The following PDE3B variants were observed in gnomAD, a reference collection of about 807,000 sequenced individuals.
PDE3B encodes the protein cGMP-inhibited 3',5'-cyclic phosphodiesterase 3B.
A neutral mutation model predicts 116.8 loss-of-function variants in PDE3B; 66 were observed. That is an observed-to-expected ratio of 0.56 (90% CI 0.46 to 0.69). PDE3B has a LOEUF of 0.69. Ranked by LOEUF, PDE3B falls within the 30% of genes least tolerant of loss-of-function variation. PDE3B has a pLI of 0.00. For synonymous variants in PDE3B, 595 were observed against 533.6 expected (o/e 1.12, Z -1.59); for missense variants, 1,384 against 1,368.1 (o/e 1.01, Z -0.18).
intron 7 of PDE3B, among the ~76,000 whole-genome samples, chr11:14,826,591 C>T (rs547173506): frequency 1.3e-5 from 2 of 152,146 alleles, no homozygotes; most frequent in South Asian, 4.2e-4. Flanking sequence ...CCTGAATAGA[C>T]CAATAAGAAG....
intron 1 of PDE3B, among the ~76,000 whole-genome samples, chr11:14,678,560 A>T (rs1334435208): frequency 6.6e-6 from 1 of 152,110 alleles, no homozygotes; most frequent in Non-Finnish European, 1.5e-5. Context: ...TTGCATCATG[A>T]TTTAAATTTG....
chr11:14,794,503 G>A (rs1183358540), intron 4 of PDE3B, among the ~76,000 whole-genome samples: 1 of 151,812 alleles, frequency 6.6e-6, no homozygotes, highest in African/African-American at 2.4e-5. Flanking sequence ...TAGTAGAGAC[G>A]GGGTTTCACC....
intron 1 of PDE3B, among the ~76,000 whole-genome samples, chr11:14,704,064 A>C (rs1402189881): frequency 6.6e-6 from 1 of 151,734 alleles, no homozygotes; most frequent in Admixed American, 6.6e-5. Flanking sequence ...CCTGAATCTT[A>C]CTTAAATATT....
rs991330324 is a variant in PDE3B, at chr11:14,805,742, T to C, written c.1522+1692T>C. On this transcript the variant is annotated intron_variant, in intron 5 of 15. Transcript: ENST00000282096. ...GGGGAAAATTATCCAGATTGAAGCA[T>C]GGAACTACAAGAACAAACCAAAAGC... is the stretch of plus-strand genomic sequence containing the variant. Among the ~76,000 whole-genome samples, 11 of 152,116 alleles carry C rather than the reference T, an allele frequency of 7.2e-5. No homozygotes were observed. In the East Asian group the frequency reaches 2.1e-3, roughly 29 times the overall value.
At chr11:14,850,507 A>T (rs1847721775) in intron 12 of PDE3B, among the ~76,000 whole-genome samples, 1 of 152,182 alleles carries the variant, frequency 6.6e-6, no homozygotes, top group Non-Finnish European at 1.5e-5. Context: ...AATTAAAAAA[A>T]AAAGATTTCT....
At chr11:14,724,440 A>G (rs572624632) in intron 1 of PDE3B, among the ~76,000 whole-genome samples, 3 of 152,324 alleles carry the variant, frequency 2.0e-5, no homozygotes, top group East Asian at 3.9e-4. Flanking sequence ...CTGAAAATCC[A>G]AAATCAGAAA....
intron 2 of PDE3B, among the ~76,000 whole-genome samples, chr11:14,783,250 C>T (rs1409176768): frequency 6.6e-6 from 1 of 152,196 alleles, no homozygotes; most frequent in East Asian, 1.9e-4. Flanking sequence ...CCAGCCATCC[C>T]ATTACTGGGT....
chr11:14,788,407 A>C (rs1858279339), intron 3 of PDE3B, among the ~76,000 whole-genome samples: 1 of 151,976 alleles, frequency 6.6e-6, no homozygotes, highest in South Asian at 2.1e-4. Context: ...CCTTTACAAA[A>C]TCAGTGTCCT....
rs782213131 is a variant in PDE3B at position 14,867,560 on chromosome 11, TCTC to T, written c.2945_2947del (p.Pro982del). On this transcript the variant is annotated inframe_deletion, in exon 15 of 16. Transcript: ENST00000282096. Reference sequence around the variant, plus strand: ...CATCAGTCCATTCATGGATCGTTCTTCTCCTCAACTAGCAAAACTCCAAGAATC... The same window carrying T: ...CATCAGTCCATTCATGGATCGTTCTTCTCAACTAGCAAAACTCCAAGAATC... The T allele has an allele frequency of 1.2e-6, 2 of 1,613,992 alleles. No individual in the cohort carries two copies. The highest frequency in any genetic ancestry group is 1.7e-5 in the Admixed American group (1 of 60,002).
intron 15 of PDE3B, 41 bp downstream of exon 15, chr11:14,867,799 G>A (rs573938991): frequency 2.0e-6 from 3 of 1,527,420 alleles, no homozygotes; most frequent in African/African-American, 2.8e-5. Context: ...AATGTTATAG[G>A]TTGAGTATTC....
chr11:14,806,872 AAAAAAAAAG>A (rs1298461816), intron 5 of PDE3B, among the ~76,000 whole-genome samples: 30 of 149,224 alleles, frequency 2.0e-4, no homozygotes, highest in South Asian at 2.1e-4. Flanking sequence ...AAAAAAAAAA[AAAAAAAAAG>A]AAAAAAAAGA....
chr11:14,858,062 AT>A (rs1382517462), intron 12 of PDE3B, among the ~76,000 whole-genome samples: 3 of 152,376 alleles, frequency 2.0e-5, no homozygotes, highest in Middle Eastern at 3.4e-3. Flanking sequence ...AGCTTAAAAA[AT>A]AATCACTTAG....
At chr11:14,805,980 A>T (rs780472974) in intron 5 of PDE3B, among the ~76,000 whole-genome samples, 1 of 152,234 alleles carries the variant, frequency 6.6e-6, no homozygotes, top group African/African-American at 2.4e-5. Flanking sequence ...ATCACTAAAA[A>T]GTCAGGAAAC....
At chr11:14,769,463 TTTAA>T (rs1240801624) in intron 1 of PDE3B, among the ~76,000 whole-genome samples, 1 of 150,984 alleles carries the variant, frequency 6.6e-6, no homozygotes, top group East Asian at 1.9e-4. Flanking sequence ...ATAGGCAGCC[TTTAA>T]TTGTCTAAAT....
chr11:14,809,674 C>T (rs1049913114), intron 5 of PDE3B, among the ~76,000 whole-genome samples: 4 of 152,048 alleles, frequency 2.6e-5, no homozygotes, highest in Admixed American at 6.6e-5. Context: ...GAGGTTGGAG[C>T]CTTTGTGAAT....
At chr11:14,791,357 C>T (rs1424308528) in intron 4 of PDE3B, among the ~76,000 whole-genome samples, 1 of 152,100 alleles carries the variant, frequency 6.6e-6, no homozygotes, top group Non-Finnish European at 1.5e-5. Context: ...CTCTCATTTC[C>T]TGAGCCTATG....
chr11:14,849,979 C>A (rs1314190438), intron 12 of PDE3B, among the ~76,000 whole-genome samples: 6 of 152,088 alleles, frequency 3.9e-5, no homozygotes, highest in Non-Finnish European at 8.8e-5. Context: ...CTAGCCATCC[C>A]ATTACTGGGT....
At chr11:14,851,572 A>G (rs998832481) in intron 12 of PDE3B, among the ~76,000 whole-genome samples, 10 of 151,808 alleles carry the variant, frequency 6.6e-5, no homozygotes, top group Admixed American at 1.3e-4. Flanking sequence ...CATTTATCCA[A>G]TGAGACTTTA....
intron 4 of PDE3B, among the ~76,000 whole-genome samples, chr11:14,794,470 T>C (rs1186900730): frequency 6.6e-6 from 1 of 152,032 alleles, no homozygotes; most frequent in Non-Finnish European, 1.5e-5. Flanking sequence ...CATGCCACCA[T>C]GCCCAGCTAA....
Sources: gnomAD v4.1 joint callset for allele counts (sites outside exome capture counted in the v4.1 genomes callset) on GRCh38, gnomAD v4.1.1 for gene constraint, MANE v1.5 for transcripts, NCBI Gene and HGNC (gene_info 2026-07-23, HGNC 2026-07-21) for gene names.